AEBP2: variants seen among roughly 807,000 people sequenced by gnomAD.
The protein encoded by AEBP2 is AE binding protein 2.
In AEBP2, 10 loss-of-function variants were observed where a neutral mutation model predicts 50.8. That is an observed-to-expected ratio of 0.20 (90% confidence interval 0.12 to 0.33). The LOEUF is 0.33. AEBP2 is among the 10% of genes least tolerant of loss of function. AEBP2 has a pLI of 1.00. For synonymous variants in AEBP2, 296 were observed against 261.3 expected, an observed-to-expected ratio of 1.13 and a Z score of -1.28; for missense variants, 570 against 688.0, an observed-to-expected ratio of 0.83 and a Z score of 1.92.
At chr12:19,424,774 G>A (rs1363939616) in intron 1 of AEBP2, among the ~76,000 whole-genome samples, 16 of 151,994 alleles carry the variant, frequency 1.1e-4, no homozygotes, top group African/African-American at 2.9e-4. Flanking sequence ...TTGGGAAGTC[G>A]AGGTGGGTGG....
At position 19,522,184 on chromosome 12, in the gene AEBP2, T is replaced by C. The variant is rs1229080978; in HGVS notation, c.*4067T>C. ...GGGAAGAAATTGTTAGAAAATTTCC[T>C]GTGTACGTAGTTTGTTTTTAAATTA... On this transcript the variant is annotated 3_prime_UTR_variant, in exon 8 of 8. Transcript: ENST00000266508. 6.6e-6 allele frequency: 1 copy of C among 152,158 alleles called. No homozygotes were observed. The highest frequency in any genetic ancestry group is 2.4e-5 in the African/African-American group (1 of 41,456). The allele number at this position is 152,158 out of a possible 1,614,324, so 9.4% of individuals were successfully genotyped here.
chr12:19,420,688 A>C (rs2153364367), intron 1 of AEBP2, among the ~76,000 whole-genome samples: 2 of 152,214 alleles, frequency 1.3e-5, no homozygotes, highest in East Asian at 3.9e-4. Flanking sequence ...TCCTGTTTTT[A>C]CTTCCCTTTC....
chr12:19,509,820 CTTTTTTTTTTTTTTTTTT>C (rs57103167), intron 5 of AEBP2, among the ~76,000 whole-genome samples: 1 of 68,746 alleles, frequency 1.5e-5, no homozygotes, highest in Non-Finnish European at 2.6e-5. Context: ...TGGCTACTTT[CTTTTTTTTTTTTTTTTTT>C]TTTTTTTTGA....
chr12:19,481,646 A>T (rs4963542), intron 3 of AEBP2, among the ~76,000 whole-genome samples: 79,004 of 151,576 alleles, frequency 0.52, 21,961 homozygotes, highest in Non-Finnish European at 0.64. Flanking sequence ...GCCTGGCTAA[A>T]TTTTGTATTT....
intron 1 of AEBP2, among the ~76,000 whole-genome samples, chr12:19,432,453 C>T (rs2095751891): frequency 6.6e-6 from 1 of 152,080 alleles, no homozygotes; most frequent in African/African-American, 2.4e-5. Context: ...CAGCACTTTG[C>T]TAGGCCAAGT....
intron 1 of AEBP2, chr12:19,456,359 A>C: frequency 7.2e-7 from 1 of 1,386,540 alleles, no homozygotes; most frequent in Non-Finnish European, 1.0e-6. Context: ...TATCATGAAC[A>C]GCAGCGCGAC....
chr12:19,510,083 T>C (rs1200174029), intron 5 of AEBP2, among the ~76,000 whole-genome samples: 2 of 152,164 alleles, frequency 1.3e-5, no homozygotes, highest in Non-Finnish European at 1.5e-5. Context: ...TCTGCCCACC[T>C]ATCACTTGTT....
chr12:19,419,046 A>G lies in AEBP2; in HGVS notation c.-17+14830A>G, dbSNP rs139510010. 862 of 166,046 alleles carry G rather than the reference A, an allele frequency of 5.2e-3. 6 individuals carry two copies. Among genetic ancestry groups the G allele is most frequent in the African/African-American group, 0.02 (828 of 41,672 alleles). 10.3% of individuals were successfully genotyped at this position (166,046 alleles called of 1,614,324 possible). On this transcript the variant is annotated intron_variant, in intron 1 of 3. Coordinates refer to the AEBP2 transcript ENST00000538425. ...GCTAAACCAGACATCGCCAGTAGTG[A>G]TCTCCTCACTCTTTTCACTGGGGAT...
intron 1 of AEBP2, among the ~76,000 whole-genome samples, chr12:19,459,357 G>T (rs1391572352): frequency 6.6e-6 from 1 of 151,846 alleles, no homozygotes; most frequent in East Asian, 1.9e-4. Context: ...TTAGCCTCCT[G>T]AGTAGCTGGG....
chr12:19,518,338 A>G lies in AEBP2; in HGVS notation c.*221A>G, dbSNP rs1475183842. 8.0e-7 allele frequency: 1 copy of G among 1,250,566 alleles called. No homozygotes were observed. The highest frequency in any genetic ancestry group is 1.6e-5 in the African/African-American group (1 of 64,414). 77.5% of individuals were successfully genotyped at this position (1,250,566 alleles called of 1,614,324 possible). A position where few individuals can be genotyped will look rare whatever the true frequency, so the allele number is the denominator to read the frequency against. ...TATTAATATATTACTGTATATCCAC[A>G]TTTTCATGGAATGGTACTGTGGGAG... is the stretch of plus-strand genomic sequence containing the variant. On this transcript the variant is annotated 3_prime_UTR_variant, in exon 8 of 8. Coordinates refer to ENST00000266508, the MANE Select transcript of AEBP2 (RefSeq NM_153207.5).
chr12:19,493,202 G>T (rs1362193968), intron 3 of AEBP2, among the ~76,000 whole-genome samples: 1 of 152,164 alleles, frequency 6.6e-6, no homozygotes, highest in African/African-American at 2.4e-5. Flanking sequence ...AGGAGTTCGA[G>T]ACCAGCCTGG....
At chr12:19,413,292 C>T in intron 1 of AEBP2, 1 of 1,300,082 alleles carries the variant, frequency 7.7e-7, no homozygotes. Context: ...AAAACTAAAG[C>T]AGTAGAGAAT....
intron 1 of AEBP2, among the ~76,000 whole-genome samples, chr12:19,458,629 G>T (rs547986157): frequency 1.3e-5 from 2 of 152,130 alleles, no homozygotes; most frequent in South Asian, 4.2e-4. Flanking sequence ...CTTTTCTTTG[G>T]CAAAGGTAAT....
Position 19,518,444 on chromosome 12 carries a change from TTTTTC to T in AEBP2, c.*335_*339del. On this transcript the variant is annotated 3_prime_UTR_variant, in exon 8 of 8. Transcript: ENST00000266508. Reference sequence around the variant, plus strand: ...TGCTTGCTGCTTTAAGCTGCTTTTTTTTTTCTTTTCTTCCCTTTAGTGATTTCAGT... The same window carrying T: ...TGCTTGCTGCTTTAAGCTGCTTTTTTTTTTCTTCCCTTTAGTGATTTCAGT... 2.4e-6 allele frequency: 3 copies of T among 1,237,610 alleles called. No individual in the cohort carries two copies. Among genetic ancestry groups the T allele is most frequent in the East Asian group, 3.2e-5 (1 of 31,192 alleles). The allele number at this position is 1,237,610 out of a possible 1,614,324, so 76.7% of individuals were successfully genotyped here.
chr12:19,409,767 C>T (rs817936), intron 1 of AEBP2, among the ~76,000 whole-genome samples: 151,630 of 152,346 alleles, frequency 1, 75,464 homozygotes, highest in Middle Eastern at 1. Flanking sequence ...ATTATAATGT[C>T]GTGGGCTTTG....
At chr12:19,438,211 G>C (rs1947881212), upstream of AEBP2, among the ~76,000 whole-genome samples, 1 of 152,212 alleles carries the variant, frequency 6.6e-6, no homozygotes, top group South Asian at 2.1e-4. Context: ...GTGGTTTTCA[G>C]TTGCTTGCTT....
At chr12:19,497,328 G>GATTTTTT (rs1555186666) in intron 4 of AEBP2, among the ~76,000 whole-genome samples, 13 of 78,716 alleles carry the variant, frequency 1.7e-4, no homozygotes, top group African/African-American at 6.7e-4. Context: ...TTCCAAAGGT[G>GATTTTTT]TTTTTTTTTT....
In AEBP2 at chr12:19,439,947, C is replaced by T. The variant is rs1286268721; in HGVS notation, c.248C>T (p.Ser83Leu). The change falls in exon 1 of 8, where the codon TCG becomes TTG. Residue 83 changes from serine (S) to leucine (L), a missense_variant. This residue lies in a region of AEBP2 where 386 missense variants were observed against 336.8 expected (regional missense o/e 1.15). Transcript: ENST00000266508. ...GGGGGCGGCGAGGCAGAGACGATGTCGGAGCCGAGCCCCGAGAGCGCCAGC... is the reference window on the plus strand; with the variant it reads ...GGGGGCGGCGAGGCAGAGACGATGTTGGAGCCGAGCCCCGAGAGCGCCAGC... ...GVGGGEAETM[S>L]EPSPESASQA... The T allele has an allele frequency of 2.0e-6, 3 of 1,513,512 alleles. No homozygotes were observed. The highest frequency in any genetic ancestry group is 2.7e-5 in the East Asian group (1 of 37,432). The allele number at this position is 1,513,512 out of a possible 1,614,324, so 93.8% of individuals were successfully genotyped here. A position where few individuals can be genotyped will look rare whatever the true frequency, so the allele number is the denominator to read the frequency against.
At chr12:19,490,919 A>C (rs1948887651) in intron 3 of AEBP2, among the ~76,000 whole-genome samples, 2 of 152,342 alleles carry the variant, frequency 1.3e-5, no homozygotes, top group South Asian at 4.1e-4. Context: ...AACATTGTGA[A>C]TACACTAAAT....
Sources: gnomAD v4.1 joint callset for allele counts (sites outside exome capture counted in the v4.1 genomes callset) on GRCh38, gnomAD v4.1.1 for gene constraint, gnomAD v4.1.1 regional missense constraint, MANE v1.5 for transcripts, NCBI Gene and HGNC (gene_info 2026-07-23, HGNC 2026-07-21) for gene names.